Variants in WASF2 observed in about 807,000 individuals in gnomAD.
The protein encoded by WASF2 is WASP family member 2, also known as actin-binding protein WASF2.
Under a neutral mutation model 45.0 loss-of-function variants are expected in WASF2, and 14 were observed. The observed-to-expected ratio is 0.31, with a 90% confidence interval of 0.21 to 0.49. The LOEUF (loss-of-function observed/expected upper bound fraction) is 0.49. Ranked by LOEUF, WASF2 falls within the 20% of genes least tolerant of loss-of-function variation. The probability of loss-of-function intolerance (pLI) is 0.99; values close to 1 mark genes in which losing one functional copy is unlikely to be tolerated. For synonymous variants in WASF2, 200 were observed against 236.3 expected, an observed-to-expected ratio of 0.85 and a Z score of 1.41; for missense variants, 439 against 636.1, an observed-to-expected ratio of 0.69 and a Z score of 3.33.
At chr1:27,440,962 G>C (rs1380323174) in intron 1 of WASF2, among the ~76,000 whole-genome samples, 1 of 152,024 alleles carries the variant, frequency 6.6e-6, no homozygotes, top group Non-Finnish European at 1.5e-5. Context: ...CCCTTCCTGG[G>C]TTCCAGCTAT....
intron 1 of WASF2, among the ~76,000 whole-genome samples, chr1:27,476,607 C>T (rs2017769848): frequency 1.3e-5 from 2 of 152,044 alleles, no homozygotes; most frequent in Non-Finnish European, 2.9e-5. Flanking sequence ...AAAACCTCTT[C>T]CAGAGGCTTC....
intron 1 of WASF2, among the ~76,000 whole-genome samples, chr1:27,484,084 T>C (rs1169140197): frequency 1.2e-4 from 18 of 152,208 alleles, no homozygotes; most frequent in Admixed American, 1.1e-3. Flanking sequence ...TTAGGAACTA[T>C]GGAGCCACCC....
At chr1:27,451,778 T>G (rs981101678) in intron 1 of WASF2, among the ~76,000 whole-genome samples, 1 of 152,240 alleles carries the variant, frequency 6.6e-6, no homozygotes, top group Non-Finnish European at 1.5e-5. Context: ...CTTGAACAAT[T>G]AAATTACAGT....
chr1:27,460,584 C>A (rs577933625), intron 1 of WASF2, among the ~76,000 whole-genome samples: 1 of 152,306 alleles, frequency 6.6e-6, no homozygotes, highest in East Asian at 1.9e-4. Flanking sequence ...AGTATTTTCT[C>A]TCACTCTTAA....
chr1:27,416,395 T>A (rs1445001405), intron 4 of WASF2, among the ~76,000 whole-genome samples: 2 of 152,200 alleles, frequency 1.3e-5, no homozygotes, highest in East Asian at 3.8e-4. Context: ...CTTCTGATGA[T>A]CTGCATGGCC....
intron 1 of WASF2, among the ~76,000 whole-genome samples, chr1:27,458,309 A>G (rs1015495226): frequency 1.5e-4 from 1 of 6,530 alleles, no homozygotes; most frequent in Non-Finnish European, 8.1e-4. Context: ...CGAGATTCTT[A>G]AAAAAAAAAA....
chr1:27,420,854 A>G (rs2016899099), intron 2 of WASF2, among the ~76,000 whole-genome samples: 1 of 152,120 alleles, frequency 6.6e-6, no homozygotes, highest in Non-Finnish European at 1.5e-5. Context: ...AGGTGAAGGC[A>G]CGCATAAGAG....
intron 1 of WASF2, among the ~76,000 whole-genome samples, chr1:27,455,221 C>A (rs1294762480): frequency 6.6e-6 from 1 of 152,046 alleles, no homozygotes; most frequent in East Asian, 1.9e-4. Flanking sequence ...AGGCTGAGCA[C>A]CCCACCCCTT....
At chr1:27,487,823 C>A (rs2017967137) in intron 1 of WASF2, among the ~76,000 whole-genome samples, 1 of 137,046 alleles carries the variant, frequency 7.3e-6, no homozygotes, top group African/African-American at 2.7e-5. Context: ...TATATAAGAC[C>A]AAATTAGTAA....
At chr1:27,440,737 ATCTC>A (rs575275728) in intron 1 of WASF2, among the ~76,000 whole-genome samples, 17 of 151,804 alleles carry the variant, frequency 1.1e-4, no homozygotes, top group African/African-American at 3.4e-4. Context: ...TCTTTAAAAA[ATCTC>A]TCTAACACTA....
intron 1 of WASF2, among the ~76,000 whole-genome samples, chr1:27,430,051 G>A (rs1198771696): frequency 6.6e-6 from 1 of 152,158 alleles, no homozygotes; most frequent in Admixed American, 6.5e-5. Context: ...TCCAGTTACT[G>A]TTTCTTATCC....
chr1:27,487,747 TTATA>T (rs1452736230), intron 1 of WASF2, among the ~76,000 whole-genome samples: 3 of 128,974 alleles, frequency 2.3e-5, no homozygotes, highest in Non-Finnish European at 4.7e-5. Context: ...GTATATCATA[TTATA>T]TAATGTATAT....
intron 2 of WASF2, 85 bp from the exon 3 acceptor site, chr1:27,419,173 C>A: frequency 6.6e-7 from 1 of 1,511,202 alleles, no homozygotes; most frequent in South Asian, 1.2e-5. Flanking sequence ...ATCGTGTTCC[C>A]TAACCCCCAA....
intron 1 of WASF2, among the ~76,000 whole-genome samples, chr1:27,485,402 C>T (rs1287240473): frequency 1.3e-5 from 2 of 151,512 alleles, no homozygotes; most frequent in African/African-American, 4.9e-5. Context: ...GGCAACATTT[C>T]GAGAGCCCAT....
At chr1:27,483,274 A>G (rs1173217507) in intron 1 of WASF2, among the ~76,000 whole-genome samples, 2 of 152,076 alleles carry the variant, frequency 1.3e-5, no homozygotes, top group African/African-American at 4.8e-5. Context: ...GTTTTAGACC[A>G]GCCTGACCAA....
chr1:27,488,970 C>T (rs2017984714), intron 1 of WASF2, among the ~76,000 whole-genome samples: 1 of 152,142 alleles, frequency 6.6e-6, no homozygotes. Flanking sequence ...AGGGTTGACA[C>T]CTAGTAGGGC....
chr1:27,470,298 T>C (rs908568779), intron 1 of WASF2, among the ~76,000 whole-genome samples: 1 of 152,198 alleles, frequency 6.6e-6, no homozygotes, highest in Non-Finnish European at 1.5e-5. Flanking sequence ...TTCTAGATGA[T>C]AGAATATTTA....
chr1:27,487,381 G>A (rs1316795129), intron 1 of WASF2, among the ~76,000 whole-genome samples: 1 of 137,578 alleles, frequency 7.3e-6, no homozygotes, highest in Admixed American at 8.4e-5. Context: ...TTACAGGCGT[G>A]AGTCACCATG....
At chr1:27,478,931 A>C (rs917830598) in intron 1 of WASF2, among the ~76,000 whole-genome samples, 1 of 152,044 alleles carries the variant, frequency 6.6e-6, no homozygotes, top group Non-Finnish European at 1.5e-5. Flanking sequence ...AGGTGTTTAC[A>C]TTTGTCAAAA....
Sources: gnomAD v4.1 joint callset for allele counts (sites outside exome capture counted in the v4.1 genomes callset) on GRCh38, gnomAD v4.1.1 for gene constraint, MANE v1.5 for transcripts, NCBI Gene and HGNC (gene_info 2026-07-23, HGNC 2026-07-21) for gene names.